Variants in DNAH10 observed in about 807,000 individuals in gnomAD.
DNAH10 encodes axonemal beta dynein heavy chain 10.
Under a neutral mutation model 506.6 loss-of-function variants are expected in DNAH10, and 348 were observed. The observed-to-expected ratio is 0.69, with a 90% confidence interval of 0.63 to 0.75. The LOEUF is 0.75. DNAH10 is among the 30% of genes least tolerant of loss of function. The pLI is 0.00. For missense variants in DNAH10, 5,179 were observed against 5,787.1 expected (o/e 0.89, Z 3.41); for synonymous variants, 2,059 against 2,198.6 (o/e 0.94, Z 1.78).
Position 123,928,645 on chromosome 12 carries a change from T to G in DNAH10, c.12306+58T>G. ...CACGCAGCTTCTCAGAACACCTGCA[T>G]GCTGCTCTGGGGCCGGGGTGTGCCT... On this transcript the variant is annotated intron_variant, in intron 70 of 78. Transcript: ENST00000673944. This position sits in a 1 kb window ranked among gnomAD's most constrained non-coding sequence, Gnocchi z 4.9. 6.6e-7 allele frequency: 1 copy of G among 1,522,204 alleles called. No homozygotes were observed. Among genetic ancestry groups the G allele is most frequent in the South Asian group, 1.2e-5 (1 of 82,936 alleles). The allele number at this position is 1,522,204 out of a possible 1,614,324, so 94.3% of individuals were successfully genotyped here.
At chr12:123,858,068 A>G (rs910676850) in intron 37 of DNAH10, among the ~76,000 whole-genome samples, 1 of 152,102 alleles carries the variant, frequency 6.6e-6, no homozygotes, top group African/African-American at 2.4e-5. Context: ...TTTTATATAT[A>G]TAGTTTTTTT....
At chr12:123,834,169 C>A (rs1960880943) in intron 27 of DNAH10, among the ~76,000 whole-genome samples, 1 of 152,082 alleles carries the variant, frequency 6.6e-6, no homozygotes, top group Admixed American at 6.6e-5. Flanking sequence ...TTAGTGGAAG[C>A]TCTTATGTGG....
intron 11 of DNAH10, 89 bp downstream of exon 11, chr12:123,790,210 T>A: frequency 8.3e-7 from 1 of 1,207,960 alleles, no homozygotes; most frequent in Non-Finnish European, 1.1e-6. Flanking sequence ...TGATGCTTAG[T>A]CTTTTTTTTT....
chr12:123,909,264 G>C lies in DNAH10; in HGVS notation c.9819G>C (p.Ser3273=). Reference sequence around the variant, plus strand: ...ACGTGCCTTGGTTTCTTGCCAGGTCGTTTGCTAAGCCCCCGAAGCAGGTGC... The same window carrying C: ...ACGTGCCTTGGTTTCTTGCCAGGTCCTTTGCTAAGCCCCCGAAGCAGGTGC... ...LDKSDVTEIR[S]FAKPPKQVQT... is the part of the protein sequence containing the mutation. Residue 3273 remains serine, a synonymous_variant, in exon 58 of 79, where the codon TCG becomes TCC. Transcript: ENST00000673944. This position sits in a 1 kb window ranked among gnomAD's most constrained non-coding sequence, Gnocchi z 5.4. 1 of 1,612,770 alleles carries C rather than the reference G, an allele frequency of 6.2e-7. No individual in the cohort carries two copies. Among genetic ancestry groups the C allele is most frequent in the Non-Finnish European group, 8.5e-7 (1 of 1,179,548 alleles).
rs1953547828 is a variant in DNAH10 at position 123,902,096 on chromosome 12, T to G, written c.9641-843T>G. Among the ~76,000 whole-genome samples, 1 of 152,174 alleles carries G rather than the reference T, an allele frequency of 6.6e-6. No individual in the cohort carries two copies. Among genetic ancestry groups the G allele is most frequent in the Admixed American group, 6.5e-5 (1 of 15,288 alleles). ...GGTTGTTGGCAGCCCTTGGTATTCC[T>G]TAGCTTAGCTTATAAATGCACCACT... On this transcript the variant is annotated intron_variant, in intron 56 of 78. Transcript: ENST00000673944. This position sits in a 1 kb window ranked among gnomAD's most constrained non-coding sequence, Gnocchi z 4.5.
chr12:123,813,051 T>C, intron 19 of DNAH10, 113 bp from the exon 20 acceptor site: 1 of 716,014 alleles, frequency 1.4e-6, no homozygotes. Context: ...AATTTATTAA[T>C]AATAAAGTGA....
In DNAH10 at chr12:123,767,674, G is replaced by A. The variant is rs190206140; in HGVS notation, c.283G>A (p.Val95Met). 34 of 1,611,464 alleles carry A rather than the reference G, an allele frequency of 2.1e-5. No homozygotes were observed. In the East Asian group the frequency reaches 2.2e-4, roughly 11 times the overall value. ...GACTTATTCTCAAAAAGTGGAGTCC[G>A]TGGATAAAGTGCGAGGTGTGGAGTT... ...EETYSQKVES[V>M]DKVRAKRVSL... The change falls in exon 2 of 79, where the codon GTG (valine) becomes ATG (methionine). Residue 95 changes from valine to methionine, a missense_variant. Val to Met is a conservative substitution (Grantham distance 21, BLOSUM62 1). Around this residue, in one of 3 missense-constraint regions of DNAH10, gnomAD observed 326 missense variants for 330.8 expected, o/e 0.99. Coordinates refer to ENST00000673944, the MANE Select transcript of DNAH10 (RefSeq NM_001372106.1).
At chr12:123,870,100 CAG>C (rs1284551235) in intron 43 of DNAH10, among the ~76,000 whole-genome samples, 1 of 152,204 alleles carries the variant, frequency 6.6e-6, no homozygotes, top group Non-Finnish European at 1.5e-5. Flanking sequence ...TGAAAATACT[CAG>C]AAAGTGCCTG....
intron 43 of DNAH10, among the ~76,000 whole-genome samples, chr12:123,869,303 C>T (rs1289010631): frequency 1.3e-5 from 2 of 152,158 alleles, no homozygotes; most frequent in African/African-American, 4.8e-5. Flanking sequence ...GGCTGGTGGC[C>T]TTCACTTCAG....
Position 123,861,171 on chromosome 12 carries a change from G to A in DNAH10, c.6908+1G>A, listed in dbSNP as rs752336302. 4 of 1,613,512 alleles carry A rather than the reference G, an allele frequency of 2.5e-6. No individual in the cohort carries two copies. Among genetic ancestry groups the A allele is most frequent in the Non-Finnish European group, 3.4e-6 (4 of 1,179,788 alleles). ...AGCCAACAGACAAGAAGGAGCGAAA[G>A]TGAGTATCTTTGTAGGTAGGAAAGA... is the stretch of plus-strand genomic sequence containing the variant. On this transcript the variant is annotated splice_donor_variant, in intron 39 of 78. Transcript: ENST00000673944. LOFTEE classifies it high-confidence loss of function.
At chr12:123,897,733 A>G (rs774552079) in intron 54 of DNAH10, 37 bp from the exon 55 acceptor site, 10 of 1,589,020 alleles carry the variant, frequency 6.3e-6, no homozygotes, top group Non-Finnish European at 8.5e-6. Context: ...TCGAAAAAGA[A>G]AAAGAAAGAA....
At chr12:123,771,885 A>G (rs1372981255) in intron 3 of DNAH10, among the ~76,000 whole-genome samples, 187 bp downstream of exon 3, 1 of 152,202 alleles carries the variant, frequency 6.6e-6, no homozygotes, top group Non-Finnish European at 1.5e-5. Flanking sequence ...AAAATCTGTT[A>G]TATTCATAGT....
intron 37 of DNAH10, among the ~76,000 whole-genome samples, chr12:123,857,617 T>G (rs1951447861): frequency 6.6e-6 from 1 of 152,074 alleles, no homozygotes; most frequent in African/African-American, 2.4e-5. Flanking sequence ...AGTCTCAGCT[T>G]CTTGGGAGGC....
At chr12:123,883,633 C>T (rs1467020068) in intron 51 of DNAH10, among the ~76,000 whole-genome samples, 2 of 152,274 alleles carry the variant, frequency 1.3e-5, no homozygotes, top group South Asian at 2.1e-4. Context: ...TTTATTGAGA[C>T]GTAGCCCCAT....
intron 39 of DNAH10, among the ~76,000 whole-genome samples, chr12:123,864,338 G>T (rs1951721540): frequency 6.6e-6 from 1 of 151,580 alleles, no homozygotes; most frequent in Admixed American, 6.6e-5. Flanking sequence ...GTAGAGACGG[G>T]GTTTCACTAT....
At chr12:123,885,403 C>T (rs1952686108) in intron 51 of DNAH10, among the ~76,000 whole-genome samples, 1 of 152,118 alleles carries the variant, frequency 6.6e-6, no homozygotes, top group African/African-American at 2.4e-5. Context: ...TTAGCTTTGT[C>T]CTTGTTTTCT....
chr12:123,813,263 C>T lies in DNAH10; in HGVS notation c.3244C>T (p.Leu1082=), dbSNP rs950492060. The change falls in exon 20 of 79, where the codon CTG becomes TTG. Residue 1082 remains leucine, a synonymous_variant. Transcript: ENST00000673944. ...VIINFYNDIS[L]NPQIIEQAVM... ...AATAAACTTTTACAATGATATCTCT[C>T]TGAACCCTCAGATAATTGAACAAGC... 2 of 1,614,170 alleles carry T rather than the reference C, an allele frequency of 1.2e-6. No individual in the cohort carries two copies. The highest frequency in any genetic ancestry group is 1.7e-6 in the Non-Finnish European group (2 of 1,180,030).
intron 29 of DNAH10, among the ~76,000 whole-genome samples, chr12:123,840,380 G>A (rs916120314): frequency 1.0e-4 from 13 of 127,088 alleles, no homozygotes; most frequent in African/African-American, 3.7e-4. Flanking sequence ...GGCTTCTTCA[G>A]TATTCTGTTT....
intron 30 of DNAH10, among the ~76,000 whole-genome samples, chr12:123,844,139 A>AAG (rs373370726): frequency 0.025 from 3,840 of 152,008 alleles, 153 homozygotes; most frequent in African/African-American, 0.087. Context: ...GGTGGCGGGA[A>AAG]AGAGAGAGAG....
Sources: allele counts gnomAD v4.1 joint callset (sites outside exome capture counted in the v4.1 genomes callset), GRCh38; gene constraint gnomAD v4.1.1; regional missense constraint gnomAD v4.1.1; non-coding constraint Gnocchi (gnomAD v3.1); transcripts MANE v1.5; gene names NCBI Gene and HGNC (gene_info 2026-07-23, HGNC 2026-07-21).